Variants in BCAS3 observed in about 807,000 individuals in gnomAD.
BCAS3 encodes BCAS4/BCAS3 fusion.
BCAS3 carries 53 observed loss-of-function variants against 116.1 expected under a neutral mutation model. The observed-to-expected ratio is 0.46, with a 90% CI of 0.37 to 0.57. The LOEUF (loss-of-function observed/expected upper bound fraction) is 0.57, where lower values mean the gene tolerates loss of function less well. BCAS3 is among the 20% of genes least tolerant of loss of function. BCAS3 has a pLI of 0.00. For missense variants in BCAS3, 917 were observed against 1,165.4 expected, an observed-to-expected ratio of 0.79 and a Z score of 3.10; for synonymous variants, 391 against 408.2, an observed-to-expected ratio of 0.96 and a Z score of 0.51.
chr17:60,697,134 A>G (rs73332362), intron 4 of BCAS3, among the ~76,000 whole-genome samples: 10,654 of 152,214 alleles, frequency 0.07, 1,242 homozygotes, highest in African/African-American at 0.24. Context: ...AGGCTTCAGC[A>G]GGCTGTGTTT....
intron 4 of BCAS3, among the ~76,000 whole-genome samples, chr17:60,706,977 G>T (rs1464892069): frequency 1.3e-5 from 2 of 151,418 alleles, no homozygotes; most frequent in Non-Finnish European, 2.9e-5. Flanking sequence ...ACCAAGCCCA[G>T]CTAATTTTTG....
rs2066398442 is a variant in BCAS3, at chr17:61,028,232, T to C, written c.1638-6434T>C. Among the ~76,000 whole-genome samples, 1 of 151,858 alleles carries C rather than the reference T, an allele frequency of 6.6e-6. No individual in the cohort carries two copies. Among genetic ancestry groups the C allele is most frequent in the Non-Finnish European group, 1.5e-5 (1 of 67,794 alleles). On this transcript the variant is annotated intron_variant, in intron 16 of 23. Transcript: ENST00000407086. The surrounding 1 kb of genome is among the most constrained non-coding windows in gnomAD (Gnocchi z 4.3). Reference sequence around the variant, plus strand: ...GAAGATCTGAAAATTTTGTTATTGCTTAATAATAGGTGACATAAAACAAAT... The same window carrying C: ...GAAGATCTGAAAATTTTGTTATTGCCTAATAATAGGTGACATAAAACAAAT...
chr17:60,721,689 T>G (rs2039253438), intron 5 of BCAS3, among the ~76,000 whole-genome samples: 1 of 152,186 alleles, frequency 6.6e-6, no homozygotes, highest in Non-Finnish European at 1.5e-5. Flanking sequence ...AATGCAATTT[T>G]TTTCTGATAA....
At chr17:60,931,116 A>G (rs2059622704) in intron 13 of BCAS3, among the ~76,000 whole-genome samples, 1 of 152,106 alleles carries the variant, frequency 6.6e-6, no homozygotes, top group African/African-American at 2.4e-5. Flanking sequence ...ATTAAAACAA[A>G]TATTTTAGTG....
At chr17:60,780,035 G>C (rs544983424) in intron 6 of BCAS3, among the ~76,000 whole-genome samples, 51 of 151,260 alleles carry the variant, frequency 3.4e-4, no homozygotes, top group South Asian at 6.3e-4. Context: ...TGTTGCCTAG[G>C]CTGGAGTGCA....
chr17:61,018,684 G>A (rs941718951), intron 16 of BCAS3, among the ~76,000 whole-genome samples: 5 of 151,746 alleles, frequency 3.3e-5, no homozygotes, highest in East Asian at 1.9e-4. Context: ...CGTCATTCAC[G>A]TTCTCTCCCT....
At chr17:61,006,297 AAT>A (rs1600408353) in intron 15 of BCAS3, among the ~76,000 whole-genome samples, 2 of 152,112 alleles carry the variant, frequency 1.3e-5, no homozygotes, top group Non-Finnish European at 2.9e-5. Flanking sequence ...TGTAAAATTA[AAT>A]AGTTTTGAGT....
chr17:61,075,359 A>G (rs942279766), intron 20 of BCAS3, among the ~76,000 whole-genome samples: 27 of 152,142 alleles, frequency 1.8e-4, no homozygotes, highest in African/African-American at 6.0e-4. Context: ...CTGTCACCCA[A>G]GCTGGAGTGC....
chr17:60,920,413 C>G (rs1270010754), intron 12 of BCAS3, among the ~76,000 whole-genome samples: 1 of 152,134 alleles, frequency 6.6e-6, no homozygotes, highest in Non-Finnish European at 1.5e-5. Context: ...CAAATAACCC[C>G]ATTAAAAATG....
At chr17:60,980,359 T>C (rs1014469987) in intron 14 of BCAS3, among the ~76,000 whole-genome samples, 1 of 152,166 alleles carries the variant, frequency 6.6e-6, no homozygotes, top group Non-Finnish European at 1.5e-5. Flanking sequence ...TTGTGGTTTT[T>C]ATTTGCATGT....
At chr17:61,230,547 C>CATGT (rs1325810121) in intron 22 of BCAS3, among the ~76,000 whole-genome samples, 1 of 152,176 alleles carries the variant, frequency 6.6e-6, no homozygotes, top group Non-Finnish European at 1.5e-5. Context: ...AAAGTGAGAA[C>CATGT]ATGTGGTATT....
At chr17:60,973,148 G>A (rs1057280319) in intron 14 of BCAS3, among the ~76,000 whole-genome samples, 1 of 151,836 alleles carries the variant, frequency 6.6e-6, no homozygotes, top group African/African-American at 2.4e-5. Flanking sequence ...GCTGAATGAT[G>A]TCTATGTGAC....
At chr17:60,865,261 C>T (rs1021039665) in intron 7 of BCAS3, among the ~76,000 whole-genome samples, 5 of 151,738 alleles carry the variant, frequency 3.3e-5, no homozygotes, top group African/African-American at 4.8e-5. Flanking sequence ...TAGGTATGCT[C>T]GTATGTAAGA....
rs1181891660 is a variant in BCAS3, at chr17:60,960,797, TC to T, written c.1221+13446del. ...CTTCTTTTTCTTTTTTTTTTTTTAA[TC>T]ATGCCTTTGTGCCTTTCAGTCCAAG... is the stretch of plus-strand genomic sequence containing the variant. On this transcript the variant is annotated intron_variant, in intron 14 of 23. Coordinates refer to ENST00000407086, the MANE Select transcript of BCAS3 (RefSeq NM_017679.5). The surrounding 1 kb of genome is among the most constrained non-coding windows in gnomAD (Gnocchi z 4.1). 1.3e-5 allele frequency among the ~76,000 whole-genome samples: 2 copies of T among 151,684 alleles called. No individual in the cohort carries two copies. Among genetic ancestry groups the T allele is most frequent in the African/African-American group, 4.8e-5 (2 of 41,250 alleles).
In BCAS3 at chr17:61,045,038, G is replaced by T. The variant is rs1035405538; in HGVS notation, c.2029+4146G>T. On this transcript the variant is annotated intron_variant, in intron 19 of 23. Transcript: ENST00000407086. ...TGCCTCCCAAAGTGCTGGAATTACA[G>T]GCATGAGCCACTGTGCCCAGCATAA... is the stretch of plus-strand genomic sequence containing the variant. 9.8e-4 allele frequency among the ~76,000 whole-genome samples: 149 copies of T among 152,106 alleles called. 1 individual carries two copies. Among genetic ancestry groups the T allele is most frequent in the African/African-American group, 3.4e-3 (141 of 41,536 alleles).
In BCAS3 at chr17:61,008,855, T is replaced by C. The variant is rs1179437973; in HGVS notation, c.1487-6896T>C. On this transcript the variant is annotated intron_variant, in intron 15 of 23. Transcript: ENST00000407086. This position sits in a 1 kb window ranked among gnomAD's most constrained non-coding sequence, Gnocchi z 4.6. ...TAAAGGAGATATTTGGGACTGGGGC[T>C]GTTTCCGTAGAATTGTCTTCTGAGG... is the stretch of plus-strand genomic sequence containing the variant. 1.3e-5 allele frequency among the ~76,000 whole-genome samples: 2 copies of C among 151,994 alleles called. No individual in the cohort carries two copies. The highest frequency in any genetic ancestry group is 2.9e-5 in the Non-Finnish European group (2 of 67,934).
chr17:61,334,664 CAAAAAAAAAAAAA>C (rs35400660), intron 22 of BCAS3, among the ~76,000 whole-genome samples: 5 of 50,892 alleles, frequency 9.8e-5, no homozygotes, highest in African/African-American at 2.0e-4. Flanking sequence ...AACTCCATCT[CAAAAAAAAAAAAA>C]AAAAAAAAAA....
intron 10 of BCAS3, among the ~76,000 whole-genome samples, chr17:60,892,899 C>T (rs1362188844): frequency 6.6e-6 from 1 of 151,728 alleles, no homozygotes; most frequent in African/African-American, 2.4e-5. Flanking sequence ...TCTAGCCTGG[C>T]CAACAAGAAT....
chr17:61,340,797 G>A (rs1162867739), intron 22 of BCAS3, among the ~76,000 whole-genome samples: 2 of 152,194 alleles, frequency 1.3e-5, no homozygotes, highest in Admixed American at 6.5e-5. Flanking sequence ...TGAAAAGCAG[G>A]CGGGATCAAT....
Sources: allele counts gnomAD v4.1 joint callset (sites outside exome capture counted in the v4.1 genomes callset), GRCh38; gene constraint gnomAD v4.1.1; non-coding constraint Gnocchi (gnomAD v3.1); transcripts MANE v1.5; gene names NCBI Gene and HGNC (gene_info 2026-07-23, HGNC 2026-07-21).